The following SPECC1 variants were observed in gnomAD, a reference collection of about 807,000 sequenced individuals.
SPECC1 encodes the protein cytospin-B.
Under a neutral mutation model 104.1 loss-of-function variants are expected in SPECC1, and 62 were observed. The ratio of observed to expected loss-of-function variants is 0.60; its 90% CI spans 0.49 to 0.74. The LOEUF (loss-of-function observed/expected upper bound fraction) is 0.74, where lower values mean the gene tolerates loss of function less well. Among genes scored for constraint, SPECC1 ranks in the 30% least tolerant of loss-of-function variants. SPECC1 has a pLI of 0.00. For synonymous variants in SPECC1, 513 were observed against 501.6 expected (o/e 1.02, Z -0.30); for missense variants, 1,306 against 1,310.5 (o/e 1.00, Z 0.05).
chr17:20,035,315 A>G (rs549447379), intron 1 of SPECC1, among the ~76,000 whole-genome samples: 57 of 152,256 alleles, frequency 3.7e-4, no homozygotes, highest in Non-Finnish European at 7.1e-4. Flanking sequence ...GTCTATATCT[A>G]TGTAAAATTT....
intron 3 of SPECC1, among the ~76,000 whole-genome samples, chr17:20,114,664 CT>C (rs1216279034): frequency 6.6e-6 from 1 of 152,144 alleles, no homozygotes; most frequent in Non-Finnish European, 1.5e-5. Context: ...ATTCTACAGA[CT>C]CATCAACATG....
chr17:20,152,675 T>G (rs917374645), intron 3 of SPECC1, among the ~76,000 whole-genome samples: 2 of 152,122 alleles, frequency 1.3e-5, no homozygotes, highest in African/African-American at 4.8e-5. Context: ...ATTTGTTTTA[T>G]TTTGTTTTGT....
At chr17:20,085,565 T>C (rs1270053432) in intron 1 of SPECC1, among the ~76,000 whole-genome samples, 2 of 152,232 alleles carry the variant, frequency 1.3e-5, no homozygotes, top group Admixed American at 1.3e-4. Context: ...AAGCGATTGA[T>C]GCTGACGAAG....
chr17:20,025,275 A>G lies in SPECC1; in HGVS notation c.-22+15851A>G, dbSNP rs147192957. Among the ~76,000 whole-genome samples the G allele has an allele frequency of 3.4e-3, 523 of 152,338 alleles. 1 individual carries two copies. The highest frequency in any genetic ancestry group is 8.1e-3 in the African/African-American group (336 of 41,584). On this transcript the variant is annotated intron_variant, in intron 1 of 14. Coordinates refer to ENST00000395527, the MANE Select transcript of SPECC1 (RefSeq NM_001243439.2). The stretch of plus-strand genomic sequence containing the variant: ...CCAGCTCTGCTGACACCTTGATCTC[A>G]GAGTCCTAGTCTCCAGAACTGTGAG...
intron 13 of SPECC1, among the ~76,000 whole-genome samples, chr17:20,301,092 G>A (rs1330673331): frequency 3.3e-5 from 5 of 152,188 alleles, no homozygotes; most frequent in Non-Finnish European, 5.9e-5. Flanking sequence ...TTCTTGGTGT[G>A]TGGCTTGCCC....
chr17:20,269,314 T>C (rs1300067578), intron 12 of SPECC1, among the ~76,000 whole-genome samples: 1 of 152,212 alleles, frequency 6.6e-6, no homozygotes, highest in Non-Finnish European at 1.5e-5. Context: ...TGAAACTGTT[T>C]GTGCAAACAC....
At position 20,205,439 on chromosome 17, in the gene SPECC1, A is replaced by G. The variant is rs747232148; in HGVS notation, c.1390A>G (p.Ile464Val). ...EEPTTQEGKI[I>V]ELEQKCTGIL... ...GCCCACCACTCAGGAAGGAAAAATT[A>G]TTGAACTGGAGCAGAAGTGCACAGG... Residue 464 changes from isoleucine to valine, a missense_variant, in exon 4 of 15, where the codon ATT (isoleucine) becomes GTT (valine). Coordinates refer to ENST00000395527, the MANE Select transcript of SPECC1 (RefSeq NM_001243439.2). 1.9e-6 allele frequency: 3 copies of G among 1,614,144 alleles called. No individual in the cohort carries two copies. Among genetic ancestry groups the G allele is most frequent in the Non-Finnish European group, 2.5e-6 (3 of 1,180,038 alleles).
At chr17:20,218,824 T>A (rs1331552972) in intron 4 of SPECC1, among the ~76,000 whole-genome samples, 1 of 152,194 alleles carries the variant, frequency 6.6e-6, no homozygotes, top group African/African-American at 2.4e-5. Flanking sequence ...TCCCAGCCTC[T>A]GGTAATCATT....
intron 1 of SPECC1, among the ~76,000 whole-genome samples, chr17:20,037,421 G>GA (rs2045133766): frequency 6.6e-6 from 1 of 151,872 alleles, no homozygotes; most frequent in African/African-American, 2.4e-5. Context: ...AAAGTGCTGA[G>GA]ATTACAGGTG....
At chr17:20,255,765 T>C (rs192310222) in intron 10 of SPECC1, among the ~76,000 whole-genome samples, 1 of 152,066 alleles carries the variant, frequency 6.6e-6, no homozygotes, top group Non-Finnish European at 1.5e-5. Flanking sequence ...AGAGACAGGG[T>C]CTCACTAAGT....
intron 3 of SPECC1, among the ~76,000 whole-genome samples, chr17:20,164,867 A>G (rs1369665450): frequency 2.0e-5 from 3 of 152,208 alleles, no homozygotes; most frequent in Non-Finnish European, 4.4e-5. Flanking sequence ...TCGAACGGCC[A>G]TATCACCTGA....
At chr17:20,118,894 A>AT (rs886440848) in intron 3 of SPECC1, among the ~76,000 whole-genome samples, 15 of 151,522 alleles carry the variant, frequency 9.9e-5, no homozygotes, top group South Asian at 2.1e-4. Context: ...TTGTTGGTGG[A>AT]TTTTTTTTTA....
chr17:20,064,601 G>A (rs1053479901), intron 1 of SPECC1, among the ~76,000 whole-genome samples: 1 of 152,082 alleles, frequency 6.6e-6, no homozygotes, highest in Non-Finnish European at 1.5e-5. Flanking sequence ...CCATCCCTAC[G>A]GGACCTCTCA....
intron 13 of SPECC1, 151 bp downstream of exon 13, chr17:20,297,228 C>A (rs374079956): frequency 1.8e-5 from 11 of 601,594 alleles, no homozygotes; most frequent in Non-Finnish European, 2.9e-5. Context: ...TTGACTGCAC[C>A]GTGGAATCCC....
intron 1 of SPECC1, among the ~76,000 whole-genome samples, chr17:20,058,835 C>CTTT (rs58811372): frequency 3.9e-4 from 40 of 103,568 alleles, no homozygotes; most frequent in South Asian, 6.1e-4. Flanking sequence ...CACTTTATTT[C>CTTT]TTTTTTTTTT....
intron 1 of SPECC1, among the ~76,000 whole-genome samples, chr17:20,042,506 C>G (rs3909258): frequency 0.49 from 74,869 of 152,018 alleles, 18,863 homozygotes; most frequent in Middle Eastern, 0.56. Context: ...ACACTGCTGG[C>G]GGGTGAGGGA....
chr17:20,036,048 T>G (rs1247997713), intron 1 of SPECC1, among the ~76,000 whole-genome samples: 1 of 152,132 alleles, frequency 6.6e-6, no homozygotes, highest in African/African-American at 2.4e-5. Flanking sequence ...CCTGACCTTG[T>G]GATCTGCCTG....
rs2048755916 is a variant in SPECC1, at chr17:20,116,354, C to G, written c.283+5792C>G. ...CCACCCACCTTGGCCTCCCAAAGTG[C>G]TGGAATTACAGGCATGAGCCACCAT... On this transcript the variant is annotated intron_variant, in intron 3 of 14. Transcript: ENST00000395527. Among the ~76,000 whole-genome samples the G allele has an allele frequency of 2.0e-5, 3 of 152,270 alleles. No homozygotes were observed. In the South Asian group the frequency reaches 6.2e-4, roughly 32 times the overall value.
chr17:20,099,694 CAAAAAAAAAA>C (rs768172798), intron 2 of SPECC1, among the ~76,000 whole-genome samples: 1 of 17,408 alleles, frequency 5.7e-5, no homozygotes, highest in African/African-American at 1.8e-4. Context: ...CACTCTATCT[CAAAAAAAAAA>C]AAAAAAAAAA....
Sources: allele counts gnomAD v4.1 joint callset (sites outside exome capture counted in the v4.1 genomes callset), GRCh38; gene constraint gnomAD v4.1.1; transcripts MANE v1.5; gene names NCBI Gene and HGNC (gene_info 2026-07-23, HGNC 2026-07-21).